Variants in TRAPPC12 observed in about 807,000 individuals in gnomAD.
TRAPPC12 encodes TPR repeat protein 15.
A neutral mutation model predicts 69.2 loss-of-function variants in TRAPPC12; 61 were observed. That is an observed-to-expected ratio of 0.88 (90% confidence interval 0.72 to 1.09). The LOEUF is 1.09. Ranked by LOEUF, TRAPPC12 falls within the 50% of genes least tolerant of loss-of-function variation. TRAPPC12 has a pLI of 0.00. For synonymous variants in TRAPPC12, 469 were observed against 438.9 expected (o/e 1.07, Z -0.86); for missense variants, 1,101 against 1,016.4 (o/e 1.08, Z -1.13).
intron 7 of TRAPPC12, chr2:3,458,008 C>T (rs531405595): frequency 9.2e-6 from 11 of 1,192,236 alleles, no homozygotes; most frequent in African/African-American, 3.1e-5. Context: ...CCAGCCCAGC[C>T]GAAGGGGCCC....
chr2:3,442,740 G>A (rs923421717), intron 5 of TRAPPC12, among the ~76,000 whole-genome samples: 7 of 152,098 alleles, frequency 4.6e-5, no homozygotes, highest in South Asian at 2.1e-4. Context: ...GTGTGGTCAC[G>A]GCCCATTCTC....
At chr2:3,462,886 G>A (rs964128471) in intron 8 of TRAPPC12, 3 of 470,832 alleles carry the variant, frequency 6.4e-6, no homozygotes, top group Non-Finnish European at 1.3e-5. Flanking sequence ...AGAACCCGCC[G>A]TGGCTCCGCA....
chr2:3,416,892 C>A (rs1022908347), intron 3 of TRAPPC12, among the ~76,000 whole-genome samples: 2 of 110,836 alleles, frequency 1.8e-5, no homozygotes, highest in Non-Finnish European at 3.7e-5. Flanking sequence ...TGTGCCCTCC[C>A]CCTGCCCCTT....
intron 3 of TRAPPC12, among the ~76,000 whole-genome samples, chr2:3,420,615 A>T (rs1055986388): frequency 6.6e-6 from 1 of 152,118 alleles, no homozygotes; most frequent in African/African-American, 2.4e-5. Flanking sequence ...CCTGCCTTCA[A>T]CACAGCCCCC....
rs1380665476 is a variant in TRAPPC12 at position 3,391,498 on chromosome 2, G to A, written c.1047+2828G>A. ...CTGAAGTGTAAGCCTATAGACATCCGTATTTTGGGTGTTTTACGGGCAGTC... is the reference window on the plus strand; with the variant it reads ...CTGAAGTGTAAGCCTATAGACATCCATATTTTGGGTGTTTTACGGGCAGTC... On this transcript the variant is annotated intron_variant, in intron 2 of 11. Coordinates refer to ENST00000324266, the MANE Select transcript of TRAPPC12 (RefSeq NM_016030.6). Among the ~76,000 whole-genome samples, 10 of 152,292 alleles carry A rather than the reference G, an allele frequency of 6.6e-5. No individual in the cohort carries two copies. The East Asian group carries it at 1.3e-3, about 21-fold the overall frequency.
At chr2:3,443,098 T>C (rs993517197) in intron 5 of TRAPPC12, among the ~76,000 whole-genome samples, 3 of 152,222 alleles carry the variant, frequency 2.0e-5, no homozygotes, top group East Asian at 1.9e-4. Flanking sequence ...CCACAGGTGA[T>C]ACGATATAAA....
chr2:3,419,655 A>T (rs1231528550), intron 3 of TRAPPC12, among the ~76,000 whole-genome samples: 1 of 152,062 alleles, frequency 6.6e-6, no homozygotes, highest in Non-Finnish European at 1.5e-5. Flanking sequence ...AAAAAAAAAA[A>T]AAAAATCTAC....
chr2:3,427,433 G>A (rs1361151145), intron 5 of TRAPPC12, among the ~76,000 whole-genome samples: 11 of 152,208 alleles, frequency 7.2e-5, no homozygotes, highest in Admixed American at 6.5e-4. Context: ...ACCCTGAAGC[G>A]CAGAGCTGCA....
chr2:3,421,032 C>G (rs1418262716), intron 3 of TRAPPC12, among the ~76,000 whole-genome samples: 1 of 152,232 alleles, frequency 6.6e-6, no homozygotes. Flanking sequence ...CTTGCAGTCT[C>G]TGTCAGGCAG....
intron 9 of TRAPPC12, among the ~76,000 whole-genome samples, chr2:3,475,376 G>C (rs1207374097): frequency 6.6e-6 from 1 of 151,826 alleles, no homozygotes; most frequent in African/African-American, 2.4e-5. Context: ...GCCTCCCAAA[G>C]GGCTGAGATT....
chr2:3,463,015 G>T (rs549910386), intron 8 of TRAPPC12: 4 of 460,660 alleles, frequency 8.7e-6, no homozygotes, highest in Non-Finnish European at 1.8e-5. Flanking sequence ...CTGTAAACAC[G>T]TGTGGCTGCT....
chr2:3,459,760 G>A (rs1665383835), intron 7 of TRAPPC12, among the ~76,000 whole-genome samples: 1 of 152,234 alleles, frequency 6.6e-6, no homozygotes, highest in Non-Finnish European at 1.5e-5. Flanking sequence ...CTCCTTGGGG[G>A]AACCGGCGTC....
At chr2:3,390,933 AATAAT>A (rs1456995431) in intron 2 of TRAPPC12, among the ~76,000 whole-genome samples, 9 of 152,234 alleles carry the variant, frequency 5.9e-5, no homozygotes, top group African/African-American at 1.9e-4. Flanking sequence ...ATTGGTGAAT[AATAAT>A]ATAAATAAAT....
intron 1 of TRAPPC12, among the ~76,000 whole-genome samples, chr2:3,381,255 C>T (rs10180455): frequency 0.44 from 66,285 of 152,010 alleles, 14,767 homozygotes; most frequent in Admixed American, 0.5. Flanking sequence ...CCTAGATTTC[C>T]ACTACACACC....
intron 5 of TRAPPC12, among the ~76,000 whole-genome samples, chr2:3,433,713 T>C (rs1471244236): frequency 6.6e-6 from 1 of 152,248 alleles, no homozygotes; most frequent in Non-Finnish European, 1.5e-5. Context: ...CGGTCTGAAA[T>C]AAATTTTGTA....
intron 5 of TRAPPC12, among the ~76,000 whole-genome samples, chr2:3,432,109 C>T (rs553207050): frequency 7.2e-5 from 11 of 152,204 alleles, no homozygotes; most frequent in African/African-American, 2.4e-4. Context: ...AAGATCTTCC[C>T]GCTGGAAATA....
chr2:3,470,656 G>T (rs1189329964), intron 9 of TRAPPC12, among the ~76,000 whole-genome samples: 1 of 152,236 alleles, frequency 6.6e-6, no homozygotes, highest in Non-Finnish European at 1.5e-5. Context: ...CTGTTTGTGT[G>T]TGAGTGTGTG....
At chr2:3,420,398 G>A (rs2103051352) in intron 3 of TRAPPC12, among the ~76,000 whole-genome samples, 1 of 152,346 alleles carries the variant, frequency 6.6e-6, no homozygotes, top group Non-Finnish European at 1.5e-5. Context: ...TGAAGAAACA[G>A]TTTGGGAATT....
At chr2:3,436,860 T>C (rs1195958273) in intron 5 of TRAPPC12, among the ~76,000 whole-genome samples, 5 of 59,254 alleles carry the variant, frequency 8.4e-5, no homozygotes, top group Non-Finnish European at 1.2e-4. Context: ...TAATACCCCA[T>C]CACCCCTGGA....
Sources: gnomAD v4.1 joint callset for allele counts (sites outside exome capture counted in the v4.1 genomes callset) on GRCh38, gnomAD v4.1.1 for gene constraint, MANE v1.5 for transcripts, NCBI Gene and HGNC (gene_info 2026-07-23, HGNC 2026-07-21) for gene names.